Variants in STK38L observed in about 807,000 individuals in gnomAD.
STK38L encodes the protein serine/threonine-protein kinase 38-like.
A neutral mutation model predicts 59.7 loss-of-function variants in STK38L; 28 were observed. The ratio of observed to expected loss-of-function variants is 0.47; its 90% CI spans 0.35 to 0.64. The LOEUF is 0.64. STK38L is among the 30% of genes least tolerant of loss of function. The pLI is 0.01. For synonymous variants in STK38L, 162 were observed against 176.8 expected, an observed-to-expected ratio of 0.92 and a Z score of 0.66; for missense variants, 314 against 555.8, an observed-to-expected ratio of 0.56 and a Z score of 4.37.
At chr12:27,288,747 T>C (rs1429505767) in intron 1 of STK38L, among the ~76,000 whole-genome samples, 2 of 151,936 alleles carry the variant, frequency 1.3e-5, no homozygotes, top group African/African-American at 4.8e-5. Context: ...TCCCAGTTGT[T>C]TTCATTTTGT....
chr12:27,270,451 C>T (rs538737091), intron 1 of STK38L, among the ~76,000 whole-genome samples: 6 of 152,246 alleles, frequency 3.9e-5, no homozygotes, highest in African/African-American at 1.2e-4. Context: ...GATCTCAGCT[C>T]ACTGCAACCT....
chr12:27,314,401 C>CA (rs35096255), intron 6 of STK38L, 103 bp from the exon 7 acceptor site: 216,466 of 673,450 alleles, frequency 0.32, 9,912 homozygotes, highest in Admixed American at 0.43. Flanking sequence ...ACTCTGTCTC[C>CA]AAAAAAAAAA....
chr12:27,291,104 A>C (rs1246660441), intron 1 of STK38L, among the ~76,000 whole-genome samples: 1 of 152,222 alleles, frequency 6.6e-6, no homozygotes, highest in Non-Finnish European at 1.5e-5. Context: ...TAATATTCTT[A>C]GAAGAATTCT....
chr12:27,285,309 C>T (rs2094116782), intron 1 of STK38L, among the ~76,000 whole-genome samples: 1 of 152,068 alleles, frequency 6.6e-6, no homozygotes, highest in African/African-American at 2.4e-5. Flanking sequence ...ACAACTCTCT[C>T]CTGAAGCTGT....
rs1181701760 is a variant in STK38L at position 27,308,174 on chromosome 12, G to A, written c.187-165G>A. The stretch of plus-strand genomic sequence containing the variant: ...CCACCTCAAAAGTAAAGATTTATCA[G>A]TTGTTAAAAATTTTAGAAAGTTTTC... On this transcript the variant is annotated intron_variant, in intron 3 of 13. Transcript: ENST00000389032. This position sits in a 1 kb window ranked among gnomAD's most constrained non-coding sequence, Gnocchi z 4.5. Among the ~76,000 whole-genome samples, 1 of 151,872 alleles carries A rather than the reference G, an allele frequency of 6.6e-6. No individual in the cohort carries two copies. The highest frequency in any genetic ancestry group is 1.5e-5 in the Non-Finnish European group (1 of 67,990).
intron 1 of STK38L, among the ~76,000 whole-genome samples, chr12:27,266,590 C>T (rs1321805877): frequency 6.6e-6 from 1 of 152,164 alleles, no homozygotes; most frequent in Non-Finnish European, 1.5e-5. Context: ...GAGTGATTAT[C>T]CACTTAGTTC....
intron 1 of STK38L, among the ~76,000 whole-genome samples, chr12:27,292,791 AC>A (rs1370000587): frequency 6.6e-6 from 1 of 152,224 alleles, no homozygotes; most frequent in African/African-American, 2.4e-5. Context: ...ATATTTCATT[AC>A]TTGACATCCA....
intron 1 of STK38L, among the ~76,000 whole-genome samples, chr12:27,265,368 TATTCTTAA>T (rs1943282182): frequency 2.0e-5 from 3 of 152,220 alleles, no homozygotes; most frequent in Non-Finnish European, 2.9e-5. Flanking sequence ...TTGCAAGTGC[TATTCTTAA>T]AGGGCTGCAT....
chr12:27,305,447 G>A (rs1426066729), intron 3 of STK38L, among the ~76,000 whole-genome samples: 4 of 152,024 alleles, frequency 2.6e-5, no homozygotes, highest in Admixed American at 2.0e-4. Flanking sequence ...AATTCCACAG[G>A]TGCTTATTAT....
intron 7 of STK38L, 115 bp downstream of exon 7, chr12:27,314,773 T>C: frequency 8.3e-7 from 1 of 1,203,604 alleles, no homozygotes; most frequent in Non-Finnish European, 1.1e-6. Context: ...AACAACATTA[T>C]ATGATAAGGT....
At chr12:27,291,430 T>G (rs895194691) in intron 1 of STK38L, among the ~76,000 whole-genome samples, 6 of 152,202 alleles carry the variant, frequency 3.9e-5, no homozygotes, top group African/African-American at 1.4e-4. Context: ...TTGATTATCC[T>G]TCCTCTTGAA....
At chr12:27,310,772 G>GTTAA (rs1944435717) in intron 5 of STK38L, among the ~76,000 whole-genome samples, 1 of 152,160 alleles carries the variant, frequency 6.6e-6, no homozygotes, top group Non-Finnish European at 1.5e-5. Context: ...GGGAAGTTAA[G>GTTAA]GAGCCTCTGG....
rs546328162 is a variant in STK38L, at chr12:27,316,344, A to G, written c.838-992A>G. On this transcript the variant is annotated intron_variant, in intron 9 of 13. Transcript: ENST00000389032. ...ATTGAGAATAATTGCAATATTCCCTATTTTTAAAGGGGAAAAACTGAATAC... is the reference window on the plus strand; with the variant it reads ...ATTGAGAATAATTGCAATATTCCCTGTTTTTAAAGGGGAAAAACTGAATAC... 2.6e-5 allele frequency among the ~76,000 whole-genome samples: 4 copies of G among 152,296 alleles called. No homozygotes were observed. In the South Asian group the frequency reaches 8.3e-4, roughly 32 times the overall value.
At chr12:27,252,294 G>A (rs959760291) in intron 1 of STK38L, among the ~76,000 whole-genome samples, 4 of 152,072 alleles carry the variant, frequency 2.6e-5, no homozygotes, top group African/African-American at 7.2e-5. Flanking sequence ...AAGCACTTTT[G>A]TAGAAAATTG....
chr12:27,278,051 A>C (rs1943575228), intron 1 of STK38L, among the ~76,000 whole-genome samples: 1 of 152,186 alleles, frequency 6.6e-6, no homozygotes, highest in Non-Finnish European at 1.5e-5. Flanking sequence ...ATAACCTATA[A>C]GCCACAAAGC....
intron 1 of STK38L, among the ~76,000 whole-genome samples, chr12:27,249,419 C>G: frequency 6.6e-6 from 1 of 152,166 alleles, no homozygotes; most frequent in East Asian, 1.9e-4. Context: ...TTCACTGCAA[C>G]CCCCGCCTCC....
chr12:27,323,673 T>C lies in STK38L; in HGVS notation c.*1218T>C, dbSNP rs1412724777. The C allele has an allele frequency of 6.6e-6, 1 of 152,570 alleles. No individual in the cohort carries two copies. The highest frequency in any genetic ancestry group is 1.5e-5 in the Non-Finnish European group (1 of 67,982). 9.5% of individuals were successfully genotyped at this position (152,570 alleles called of 1,614,324 possible). A position where few individuals can be genotyped will look rare whatever the true frequency, so the allele number is the denominator to read the frequency against. Reference sequence around the variant, plus strand: ...ATTAAAGGGCAATATTGTTCTTGTTTAGCTACATCACTGTGGTGAATATAG... The same window carrying C: ...ATTAAAGGGCAATATTGTTCTTGTTCAGCTACATCACTGTGGTGAATATAG... On this transcript the variant is annotated 3_prime_UTR_variant, in exon 14 of 14. Transcript: ENST00000389032.
chr12:27,267,693 A>G (rs944011988), intron 1 of STK38L, among the ~76,000 whole-genome samples: 6 of 151,620 alleles, frequency 4.0e-5, no homozygotes, highest in Admixed American at 1.3e-4. Flanking sequence ...GTACTAATCT[A>G]TACCCTCACC....
chr12:27,277,382 C>G (rs1447511239), intron 1 of STK38L, among the ~76,000 whole-genome samples: 1 of 114,266 alleles, frequency 8.8e-6, no homozygotes, highest in Admixed American at 1.0e-4. Context: ...AGTAGGAGAA[C>G]TGGAAGGAAC....
Sources: allele counts gnomAD v4.1 joint callset (sites outside exome capture counted in the v4.1 genomes callset), GRCh38; gene constraint gnomAD v4.1.1; non-coding constraint Gnocchi (gnomAD v3.1); transcripts MANE v1.5; gene names NCBI Gene and HGNC (gene_info 2026-07-23, HGNC 2026-07-21).